Variants in DPP6 observed in about 807,000 individuals in gnomAD.
DPP6 encodes the protein A-type potassium channel modulatory protein DPP6.
A neutral mutation model predicts 122.6 loss-of-function variants in DPP6; 69 were observed. The observed-to-expected ratio is 0.56, with a 90% CI of 0.46 to 0.69. DPP6 has a LOEUF of 0.69. Among genes scored for constraint, DPP6 ranks in the 30% least tolerant of loss-of-function variants. The probability of loss-of-function intolerance (pLI) is 0.00; values close to 1 mark genes in which losing one functional copy is unlikely to be tolerated. For synonymous variants in DPP6, 418 were observed against 433.1 expected, an observed-to-expected ratio of 0.97 and a Z score of 0.43; for missense variants, 928 against 1,116.9, an observed-to-expected ratio of 0.83 and a Z score of 2.41.
exon 1 of DPP6, chr7:153,887,510 C>G: frequency 1.6e-6 from 1 of 626,110 alleles, no homozygotes. Context: ...TGAGTAAAGA[C>G]ACGGGCAGGG....
intron 1 of DPP6, among the ~76,000 whole-genome samples, chr7:154,073,809 A>G (rs1803302946): frequency 6.6e-6 from 1 of 152,004 alleles, no homozygotes; most frequent in African/African-American, 2.4e-5. Context: ...TAAATATGAA[A>G]CCCCATCTCT....
chr7:154,679,541 G>A (rs898617222), intron 7 of DPP6, among the ~76,000 whole-genome samples: 34 of 152,132 alleles, frequency 2.2e-4, no homozygotes, highest in African/African-American at 8.0e-4. Flanking sequence ...CAGGGTTAGC[G>A]CTGCCCACCC....
At chr7:154,723,052 G>A (rs1170355994) in intron 7 of DPP6, among the ~76,000 whole-genome samples, 1 of 152,148 alleles carries the variant, frequency 6.6e-6, no homozygotes, top group African/African-American at 2.4e-5. Flanking sequence ...CTTGGGCTCA[G>A]GAGTTTGAGA....
chr7:154,052,864 C>T lies in DPP6; in HGVS notation c.44C>T (p.Ser15Leu), dbSNP rs1445753245. The change falls in exon 1 of 26, where the codon TCG becomes TTG. Residue 15 changes from serine (S) to leucine (L), a missense_variant. Ser to Leu is a moderately radical substitution (Grantham distance 145). Coordinates refer to ENST00000377770, the MANE Select transcript of DPP6 (RefSeq NM_130797.4). The surrounding 1 kb of genome is among the most constrained non-coding windows in gnomAD (Gnocchi z 4.8). ...AGGTTCACTGGCAAGATCAACACCT[C>T]GAGGTCCTTCCCCGCGCCCCCGGAG... ...YQRFTGKINTSRSFPAPPEAS... is the reference protein window; with the variant it reads ...YQRFTGKINTLRSFPAPPEAS... 1.3e-6 allele frequency: 2 copies of T among 1,538,216 alleles called. No individual in the cohort carries two copies. Among genetic ancestry groups the T allele is most frequent in the Non-Finnish European group, 1.8e-6 (2 of 1,142,662 alleles).
Position 154,887,722 on chromosome 7 carries a change from C to G in DPP6, c.2292C>G (p.Asn764Lys), listed in dbSNP as rs577362403. ...ERYLGLHGLD[N>K]RAYEMTKVAH... ...ACTTGGGCCTCCATGGACTTGACAACAGAGCATACGAGGTGTGTATGGGCA... is the reference window on the plus strand; with the variant it reads ...ACTTGGGCCTCCATGGACTTGACAAGAGAGCATACGAGGTGTGTATGGGCA... The change falls in exon 23 of 26, where the codon AAC (asparagine) becomes AAG (lysine). Residue 764 changes from asparagine (N) to lysine (K), a missense_variant. Coordinates refer to ENST00000377770, the MANE Select transcript of DPP6 (RefSeq NM_130797.4). 1.1e-5 allele frequency: 17 copies of G among 1,613,878 alleles called. No homozygotes were observed. The highest frequency in any genetic ancestry group is 6.7e-5 in the East Asian group (3 of 44,874).
chr7:154,168,168 G>A (rs1024224710), intron 1 of DPP6, among the ~76,000 whole-genome samples: 2 of 152,170 alleles, frequency 1.3e-5, no homozygotes, highest in African/African-American at 2.4e-5. Flanking sequence ...GGAGTCAACA[G>A]AAAAGCAGAT....
At chr7:153,832,346 C>T in the DPP6 span, among the ~76,000 whole-genome samples, 1 of 152,360 alleles carries the variant, frequency 6.6e-6, no homozygotes, top group East Asian at 1.9e-4. Context: ...CGAGGGGGCT[C>T]CTGTCATCAT....
chr7:154,487,410 C>T (rs937301830), intron 3 of DPP6, among the ~76,000 whole-genome samples: 3 of 152,176 alleles, frequency 2.0e-5, no homozygotes, highest in East Asian at 3.9e-4. Flanking sequence ...CGCCGTGCAG[C>T]GTGCCTTGTG....
At chr7:153,898,719 C>G (rs1298620106) in intron 1 of DPP6, among the ~76,000 whole-genome samples, 9 of 152,128 alleles carry the variant, frequency 5.9e-5, no homozygotes, top group Non-Finnish European at 1.3e-4. Flanking sequence ...TATCAGAGGC[C>G]TTCCACAATA....
At chr7:153,765,393 T>A in the DPP6 span, among the ~76,000 whole-genome samples, 4 of 152,006 alleles carry the variant, frequency 2.6e-5, no homozygotes, top group East Asian at 7.8e-4. Context: ...ATACAAAAAA[T>A]TAGCCAGGCA....
chr7:154,580,520 C>T (rs964337400), intron 5 of DPP6, among the ~76,000 whole-genome samples: 2 of 152,134 alleles, frequency 1.3e-5, no homozygotes, highest in African/African-American at 4.8e-5. Flanking sequence ...CTCCCTCCAG[C>T]GCTGCCGTTA....
intron 1 of DPP6, among the ~76,000 whole-genome samples, chr7:153,936,403 C>T (rs1252682751): frequency 6.6e-6 from 1 of 152,110 alleles, no homozygotes; most frequent in Non-Finnish European, 1.5e-5. Context: ...TCTGGGGAGA[C>T]CGCGAGCTCG....
chr7:153,824,233 G>A, the DPP6 span, among the ~76,000 whole-genome samples: 8 of 151,498 alleles, frequency 5.3e-5, no homozygotes, highest in Non-Finnish European at 7.4e-5. Flanking sequence ...TACTAAATAC[G>A]CAAAAATTAG....
At chr7:154,016,405 T>A (rs1270909569) in intron 1 of DPP6, among the ~76,000 whole-genome samples, 2 of 151,980 alleles carry the variant, frequency 1.3e-5, no homozygotes, top group African/African-American at 4.8e-5. Flanking sequence ...GTTTATTTTT[T>A]TTTTTTTTCA....
intron 1 of DPP6, among the ~76,000 whole-genome samples, chr7:154,040,481 A>G (rs1363797655): frequency 6.7e-6 from 1 of 149,602 alleles, no homozygotes; most frequent in Non-Finnish European, 1.5e-5. Context: ...TGCAACATAG[A>G]CTCTGCATGT....
intron 1 of DPP6, among the ~76,000 whole-genome samples, chr7:154,254,663 A>T (rs1388645984): frequency 2.0e-5 from 3 of 152,042 alleles, no homozygotes; most frequent in Non-Finnish European, 4.4e-5. Context: ...GCTTGACTTG[A>T]TGTGTATGGG....
At chr7:154,724,687 T>A (rs1204811766) in intron 7 of DPP6, among the ~76,000 whole-genome samples, 1 of 151,938 alleles carries the variant, frequency 6.6e-6, no homozygotes, top group Non-Finnish European at 1.5e-5. Context: ...GCCCCTCCTG[T>A]ATGATTCCGC....
chr7:154,561,086 T>A (rs1830395265), intron 4 of DPP6, among the ~76,000 whole-genome samples: 1 of 152,176 alleles, frequency 6.6e-6, no homozygotes, highest in African/African-American at 2.4e-5. Flanking sequence ...GCAGCTAGCA[T>A]TGAGCTACAA....
At position 154,892,444 on chromosome 7, in the gene DPP6, G is replaced by C. The variant is rs1244031551; in HGVS notation, c.2562G>C (p.Leu854=). The change falls in exon 26 of 26, where the codon CTG becomes CTC. Residue 854 remains leucine (L), a synonymous_variant. Transcript: ENST00000377770. ...VECFRIQDKL[L]TVTAKEDEEE... Reference sequence around the variant, plus strand: ...GCTTCAGGATCCAGGACAAACTGCTGACAGTCACAGCGAAAGAGGACGAGG... The same window carrying C: ...GCTTCAGGATCCAGGACAAACTGCTCACAGTCACAGCGAAAGAGGACGAGG... 3 of 1,613,892 alleles carry C rather than the reference G, an allele frequency of 1.9e-6. No homozygotes were observed. Among genetic ancestry groups the C allele is most frequent in the Non-Finnish European group, 2.5e-6 (3 of 1,179,902 alleles).
Sources: gnomAD v4.1 joint callset for allele counts (sites outside exome capture counted in the v4.1 genomes callset) on GRCh38, gnomAD v4.1.1 for gene constraint, Gnocchi (gnomAD v3.1) non-coding constraint, MANE v1.5 for transcripts, NCBI Gene and HGNC (gene_info 2026-07-23, HGNC 2026-07-21) for gene names.